MED27: variants seen among roughly 807,000 people sequenced by gnomAD.
The protein encoded by MED27 is mediator of RNA polymerase II transcription subunit 27.
A neutral mutation model predicts 38.2 loss-of-function variants in MED27; 30 were observed. The observed-to-expected ratio is 0.79, with a 90% CI of 0.59 to 1.07. The LOEUF (loss-of-function observed/expected upper bound fraction) is 1.07, where lower values mean the gene tolerates loss of function less well. Ranked by LOEUF, MED27 falls within the 50% of genes least tolerant of loss-of-function variation. The pLI, the probability that MED27 is intolerant of heterozygous loss-of-function variation, is 0.00. For synonymous variants in MED27, 122 were observed against 153.5 expected (o/e 0.79, Z 1.52); for missense variants, 289 against 397.5 (o/e 0.73, Z 2.32).
At chr9:131,869,887 C>A (rs554731170) in intron 6 of MED27, among the ~76,000 whole-genome samples, 11 of 152,288 alleles carry the variant, frequency 7.2e-5, no homozygotes, top group African/African-American at 2.6e-4. Flanking sequence ...TGCCTGCCAA[C>A]AGATCCAGTC....
At chr9:131,999,378 TG>T (rs1832169945) in intron 3 of MED27, among the ~76,000 whole-genome samples, 1 of 152,170 alleles carries the variant, frequency 6.6e-6, no homozygotes, top group Non-Finnish European at 1.5e-5. Context: ...GTAAGTTTCA[TG>T]TGAGACCCAA....
intron 4 of MED27, among the ~76,000 whole-genome samples, chr9:131,931,551 C>T (rs1317822767): frequency 6.6e-6 from 1 of 152,096 alleles, no homozygotes; most frequent in Admixed American, 6.6e-5. Flanking sequence ...ACTCTCCAAT[C>T]AAAAGACACA....
intron 4 of MED27, among the ~76,000 whole-genome samples, chr9:131,930,223 C>T (rs1425304180): frequency 3.9e-5 from 6 of 152,172 alleles, no homozygotes; most frequent in African/African-American, 1.4e-4. Context: ...CTGTCCAAAA[C>T]TAGAGAAAGA....
chr9:132,060,974 C>CT lies in MED27; in HGVS notation c.348+16467dup, dbSNP rs142615636. ...AAACAACAACAACAACAACAAATCC[C>CT]TTTTTTCTTTCAGAGGACAGTGTCT... On this transcript the variant is annotated intron_variant, in intron 2 of 7. Transcript: ENST00000292035. 5.2e-3 allele frequency among the ~76,000 whole-genome samples: 797 copies of CT among 152,210 alleles called. 14 individuals are homozygous for CT. The highest frequency in any genetic ancestry group is 0.018 in the African/African-American group (736 of 41,530).
intron 1 of MED27, 135 bp from the exon 2 acceptor site, chr9:132,077,721 T>A: frequency 3.5e-6 from 3 of 851,142 alleles, no homozygotes; most frequent in Non-Finnish European, 5.1e-6. Context: ...TTTGAAAGGT[T>A]AAAAAATACT....
intron 3 of MED27, among the ~76,000 whole-genome samples, chr9:131,981,504 CCTAA>C (rs1468857809): frequency 6.6e-6 from 1 of 152,226 alleles, no homozygotes; most frequent in Non-Finnish European, 1.5e-5. Context: ...GAGAACCAAT[CCTAA>C]CTGAGGCAAG....
rs560083058 is a variant in MED27, at chr9:131,970,062, A to G, written c.480-30588T>C. On this transcript the variant is annotated intron_variant, in intron 3 of 7. Coordinates refer to ENST00000292035, the MANE Select transcript of MED27 (RefSeq NM_004269.4). ...AGATCTCCAGGAGATACTCATCTCC[A>G]TAACAGGGCCCTGCAGCGGGAGCCT... Among the ~76,000 whole-genome samples the G allele has an allele frequency of 5.9e-5, 9 of 152,322 alleles. No individual in the cohort carries two copies. The South Asian group carries it at 6.2e-4, about 11-fold the overall frequency.
chr9:131,881,647 A>G (rs1468127527), intron 6 of MED27, among the ~76,000 whole-genome samples: 4 of 152,120 alleles, frequency 2.6e-5, no homozygotes, highest in Non-Finnish European at 5.9e-5. Flanking sequence ...CATTGTTAAC[A>G]TCTTCCATTA....
At chr9:132,001,815 C>A (rs978721061) in intron 3 of MED27, among the ~76,000 whole-genome samples, 1 of 152,238 alleles carries the variant, frequency 6.6e-6, no homozygotes, top group African/African-American at 2.4e-5. Context: ...TGGCCCAGAG[C>A]CTCCATCGCT....
At chr9:131,976,941 C>T (rs570985253) in intron 3 of MED27, among the ~76,000 whole-genome samples, 13 of 152,282 alleles carry the variant, frequency 8.5e-5, no homozygotes, top group Middle Eastern at 3.4e-3. Flanking sequence ...GATCACAACA[C>T]GGTTATTTCA....
At chr9:131,926,864 A>G (rs929665100) in intron 4 of MED27, among the ~76,000 whole-genome samples, 1 of 152,254 alleles carries the variant, frequency 6.6e-6, no homozygotes, top group African/African-American at 2.4e-5. Context: ...ATCAAATAAC[A>G]TCTAAATAAA....
chr9:131,876,653 C>T (rs1417987107), intron 6 of MED27, among the ~76,000 whole-genome samples: 1 of 152,072 alleles, frequency 6.6e-6, no homozygotes, highest in Non-Finnish European at 1.5e-5. Flanking sequence ...TTCTGCTTGG[C>T]GACCTGGTCA....
intron 2 of MED27, among the ~76,000 whole-genome samples, chr9:132,068,204 G>A (rs139134260): frequency 1.9e-3 from 286 of 152,192 alleles, no homozygotes; most frequent in African/African-American, 6.7e-3. Context: ...CCACACACTC[G>A]CATGCAGTAT....
intron 3 of MED27, among the ~76,000 whole-genome samples, chr9:131,958,130 A>G (rs1330710470): frequency 1.3e-5 from 2 of 152,096 alleles, no homozygotes; most frequent in Admixed American, 6.5e-5. Context: ...TAAAACTGGT[A>G]TATTTTATTT....
intron 3 of MED27, among the ~76,000 whole-genome samples, chr9:131,969,507 T>C (rs972553768): frequency 1.3e-5 from 2 of 152,198 alleles, no homozygotes; most frequent in East Asian, 3.8e-4. Context: ...CAGGGTAACA[T>C]AATCATAATA....
intron 2 of MED27, among the ~76,000 whole-genome samples, chr9:132,041,625 G>A (rs906738134): frequency 1.1e-4 from 16 of 152,346 alleles, no homozygotes; most frequent in African/African-American, 3.1e-4. Context: ...GACAAAGCTC[G>A]ACTGAAAGAT....
At chr9:132,036,548 C>T (rs187276131) in intron 2 of MED27, among the ~76,000 whole-genome samples, 4 of 152,262 alleles carry the variant, frequency 2.6e-5, no homozygotes, top group East Asian at 3.9e-4. Flanking sequence ...TCACTCGTGC[C>T]GGCATGCGCT....
chr9:132,061,839 T>C (rs1044069578), intron 2 of MED27, among the ~76,000 whole-genome samples: 3 of 152,258 alleles, frequency 2.0e-5, no homozygotes, highest in Non-Finnish European at 4.4e-5. Flanking sequence ...CACTGTATCC[T>C]TTCTTTGCCC....
intron 3 of MED27, among the ~76,000 whole-genome samples, chr9:131,944,207 C>T (rs1461086046): frequency 1.3e-5 from 2 of 152,128 alleles, no homozygotes; most frequent in South Asian, 2.1e-4. Flanking sequence ...CTTTCAATGG[C>T]CTTAGTCCGA....
Sources: allele counts gnomAD v4.1 joint callset (sites outside exome capture counted in the v4.1 genomes callset), GRCh38; gene constraint gnomAD v4.1.1; transcripts MANE v1.5; gene names NCBI Gene and HGNC (gene_info 2026-07-23, HGNC 2026-07-21).